The following PIEZO2 variants were observed in gnomAD, a reference collection of about 807,000 sequenced individuals.
The protein encoded by PIEZO2 is piezo-type mechanosensitive ion channel component 2.
A neutral mutation model predicts 337.3 loss-of-function variants in PIEZO2; 172 were observed. That is an observed-to-expected ratio of 0.51 (90% CI 0.45 to 0.58). The LOEUF is 0.58. Among genes scored for constraint, PIEZO2 ranks in the 20% least tolerant of loss-of-function variants. The probability of loss-of-function intolerance (pLI) is 0.00; values close to 1 mark genes in which losing one functional copy is unlikely to be tolerated. For synonymous variants in PIEZO2, 1,251 were observed against 1,228.5 expected (o/e 1.02, Z -0.38); for missense variants, 3,028 against 3,391.3 (o/e 0.89, Z 2.66).
At chr18:10,760,653 T>C (rs988586579) in intron 24 of PIEZO2, among the ~76,000 whole-genome samples, 3 of 152,218 alleles carry the variant, frequency 2.0e-5, no homozygotes, top group African/African-American at 7.2e-5. Context: ...ACACGGCAAC[T>C]GATGGCCATG....
rs2040923664 is a variant in PIEZO2 at position 10,833,763 on chromosome 18, T to G, written c.917+21590A>C. Among the ~76,000 whole-genome samples the G allele has an allele frequency of 6.6e-6, 1 of 152,232 alleles. No individual in the cohort carries two copies. The highest frequency in any genetic ancestry group is 1.5e-5 in the Non-Finnish European group (1 of 68,038). ...TCAAATATGTGTTTGTTCCCCAGTT[T>G]GGAGCCTCAAGACTTGCCTACAAAA... is the stretch of plus-strand genomic sequence containing the variant. On this transcript the variant is annotated intron_variant, in intron 7 of 55. Coordinates refer to ENST00000674853, the MANE Select transcript of PIEZO2 (RefSeq NM_001378183.1). The surrounding 1 kb of genome is among the most constrained non-coding windows in gnomAD (Gnocchi z 4.7).
In PIEZO2 at chr18:11,009,070, C is replaced by T. The variant is rs28727942; in HGVS notation, c.161-29410G>A. Among the ~76,000 whole-genome samples the T allele has an allele frequency of 0.021, 3,179 of 152,290 alleles. 119 individuals are homozygous for T. Among genetic ancestry groups the T allele is most frequent in the African/African-American group, 0.072 (3,002 of 41,550 alleles). On this transcript the variant is annotated intron_variant, in intron 2 of 55. Transcript: ENST00000674853. The surrounding 1 kb of genome is among the most constrained non-coding windows in gnomAD (Gnocchi z 4.6). Reference sequence around the variant, plus strand: ...AAGATTGAATTCTGTTACTTAACTACGTACGTGATTGTGTTCAAATCCTTC... The same window carrying T: ...AAGATTGAATTCTGTTACTTAACTATGTACGTGATTGTGTTCAAATCCTTC...
At chr18:10,719,017 A>AT (rs1567981903) in intron 36 of PIEZO2, among the ~76,000 whole-genome samples, 4 of 151,344 alleles carry the variant, frequency 2.6e-5, no homozygotes, top group African/African-American at 9.7e-5. Flanking sequence ...AAATAAATAA[A>AT]TAAATAAATT....
At chr18:10,890,465 G>A (rs932056639) in intron 4 of PIEZO2, 1 of 152,186 alleles carries the variant, frequency 6.6e-6, no homozygotes, top group African/African-American at 2.4e-5. Context: ...AAGGAAAGAG[G>A]TTTAATTTAC....
intron 1 of PIEZO2, among the ~76,000 whole-genome samples, chr18:11,075,694 A>G (rs556596152): frequency 6.6e-6 from 1 of 152,204 alleles, no homozygotes; most frequent in Non-Finnish European, 1.5e-5. Flanking sequence ...TTACATACGT[A>G]TTCTTATCAC....
intron 7 of PIEZO2, among the ~76,000 whole-genome samples, chr18:10,811,581 A>G (rs978799536): frequency 5.9e-5 from 9 of 152,186 alleles, no homozygotes; most frequent in Non-Finnish European, 1.2e-4. Flanking sequence ...TTTCAGAGAA[A>G]AATCACTGCT....
chr18:10,984,594 C>T (rs1374934079), intron 2 of PIEZO2, among the ~76,000 whole-genome samples: 5 of 151,978 alleles, frequency 3.3e-5, no homozygotes, highest in African/African-American at 1.2e-4. Context: ...ATGGGACTTA[C>T]AGGACACTAT....
intron 2 of PIEZO2, among the ~76,000 whole-genome samples, chr18:11,059,917 T>A (rs1331733072): frequency 2.6e-5 from 4 of 152,188 alleles, no homozygotes; most frequent in Admixed American, 2.0e-4. Context: ...CTCATAGACA[T>A]CTACAGAAGT....
At chr18:10,879,647 G>A (rs1338795755) in intron 4 of PIEZO2, among the ~76,000 whole-genome samples, 3 of 151,952 alleles carry the variant, frequency 2.0e-5, no homozygotes, top group Non-Finnish European at 2.9e-5. Context: ...TGCCCGCCTC[G>A]GCCTCCCAAA....
At position 11,091,383 on chromosome 18, in the gene PIEZO2, C is replaced by CAAA. The variant is rs529307821; in HGVS notation, c.65-25164_65-25162dup. On this transcript the variant is annotated intron_variant, in intron 1 of 55. Transcript: ENST00000674853. ...TGGGCAACACAGCAAGACTCCGTCT[C>CAAA]AAAAAAAAAAAAAAAAGAAAAAAAG... 9.6e-3 allele frequency among the ~76,000 whole-genome samples: 750 copies of CAAA among 77,842 alleles called. 8 individuals carry two copies. Among genetic ancestry groups the CAAA allele is most frequent in the African/African-American group, 0.014 (323 of 23,614 alleles). The allele number at this position is 77,842 out of a possible 152,430, so 51.1% of individuals were successfully genotyped here. A position where few individuals can be genotyped will look rare whatever the true frequency, so the allele number is the denominator to read the frequency against.
At chr18:10,797,619 C>A in intron 11 of PIEZO2, 97 bp from the exon 12 acceptor site, 3 of 1,463,074 alleles carry the variant, frequency 2.1e-6, no homozygotes, top group South Asian at 2.9e-5. Context: ...TTTGGTATAG[C>A]CTTTTATTTA....
At chr18:10,916,555 C>G (rs893748726) in intron 3 of PIEZO2, among the ~76,000 whole-genome samples, 1 of 152,162 alleles carries the variant, frequency 6.6e-6, no homozygotes, top group East Asian at 1.9e-4. Context: ...CCAGGGCGTG[C>G]GGCACCAGCA....
intron 21 of PIEZO2, 120 bp from the exon 22 acceptor site, chr18:10,763,218 CAT>C: frequency 2.6e-6 from 3 of 1,132,446 alleles, no homozygotes; most frequent in African/African-American, 3.1e-5. Flanking sequence ...GGATTCCTAG[CAT>C]GCGCAAGGAA....
At chr18:11,137,397 TA>T (rs1201329044) in intron 1 of PIEZO2, among the ~76,000 whole-genome samples, 1 of 152,140 alleles carries the variant, frequency 6.6e-6, no homozygotes, top group African/African-American at 2.4e-5. Flanking sequence ...CTTTTAATAT[TA>T]AAAAAGGCAT....
chr18:11,036,097 G>T (rs1310772635), intron 2 of PIEZO2, among the ~76,000 whole-genome samples: 1 of 152,212 alleles, frequency 6.6e-6, no homozygotes, highest in Non-Finnish European at 1.5e-5. Flanking sequence ...AGATTCTAAT[G>T]TGCCTGCAGT....
Position 10,846,788 on chromosome 18 carries a change from G to A in PIEZO2, c.917+8565C>T, listed in dbSNP as rs2041378673. On this transcript the variant is annotated intron_variant, in intron 7 of 55. Transcript: ENST00000674853. The surrounding 1 kb of genome is among the most constrained non-coding windows in gnomAD (Gnocchi z 4.1). The stretch of plus-strand genomic sequence containing the variant: ...AAGGGACAAACAGGAGCCAGTGAGA[G>A]CAGTGAGCAGGAGATTTCCAGCAAA... Among the ~76,000 whole-genome samples the A allele has an allele frequency of 6.6e-6, 1 of 152,206 alleles. No homozygotes were observed. The highest frequency in any genetic ancestry group is 6.5e-5 in the Admixed American group (1 of 15,280).
chr18:11,090,700 A>G (rs1418623618), intron 1 of PIEZO2, among the ~76,000 whole-genome samples: 1 of 152,218 alleles, frequency 6.6e-6, no homozygotes, highest in Non-Finnish European at 1.5e-5. Context: ...TCACGAGGTC[A>G]GGAGATCAAG....
intron 52 of PIEZO2, 39 bp downstream of exon 52, chr18:10,680,160 G>C: frequency 6.5e-7 from 1 of 1,542,802 alleles, no homozygotes; most frequent in Non-Finnish European, 8.9e-7. Flanking sequence ...GTTTAGACTG[G>C]GGAAAGGGAT....
intron 28 of PIEZO2, among the ~76,000 whole-genome samples, chr18:10,752,260 T>C (rs1465010293): frequency 1.3e-5 from 2 of 152,212 alleles, no homozygotes; most frequent in East Asian, 1.9e-4. Flanking sequence ...GCCAACATAA[T>C]ACAGCTTTTG....
Sources: allele counts gnomAD v4.1 joint callset (sites outside exome capture counted in the v4.1 genomes callset), GRCh38; gene constraint gnomAD v4.1.1; non-coding constraint Gnocchi (gnomAD v3.1); transcripts MANE v1.5; gene names NCBI Gene and HGNC (gene_info 2026-07-23, HGNC 2026-07-21).